Variants in ERBB4 observed in about 807,000 individuals in gnomAD.
The protein encoded by ERBB4 is erb-b2 receptor tyrosine kinase 4, also known as receptor tyrosine-protein kinase erbB-4.
In ERBB4, 42 loss-of-function variants were observed where a neutral mutation model predicts 158.0. The observed-to-expected ratio is 0.27, with a 90% CI of 0.21 to 0.34. The LOEUF is 0.34. ERBB4 is among the 10% of genes least tolerant of loss of function. The pLI, the probability that ERBB4 is intolerant of heterozygous loss-of-function variation, is 1.00. For synonymous variants in ERBB4, 583 were observed against 558.7 expected (o/e 1.04, Z -0.61); for missense variants, 1,333 against 1,624.1 (o/e 0.82, Z 3.08).
rs1491239788 is a variant in ERBB4, at chr2:211,939,966, A to AAAAAAAAAATATAT, written c.421+7463_421+7464insATATATTTTTTTTT. 2.9e-5 allele frequency among the ~76,000 whole-genome samples: 4 copies of AAAAAAAAAATATAT among 137,426 alleles called. No individual in the cohort carries two copies. In the South Asian group the frequency reaches 8.9e-4, roughly 31 times the overall value. 90.2% of individuals were successfully genotyped at this position (137,426 alleles called of 152,430 possible). The stretch of plus-strand genomic sequence containing the variant: ...CGTCTCAAAAAAAAAGGAAAAAAAA[A>AAAAAAAAAATATAT]ATATATATATATATGTATATAGATA... On this transcript the variant is annotated intron_variant, in intron 3 of 27. Coordinates refer to ENST00000342788, the MANE Select transcript of ERBB4 (RefSeq NM_005235.3).
chr2:211,495,236 A>T (rs768991309), intron 20 of ERBB4, among the ~76,000 whole-genome samples: 64 of 152,114 alleles, frequency 4.2e-4, no homozygotes, highest in Admixed American at 1.4e-3. Context: ...ATTATATGTA[A>T]AACAGCAAAA....
At chr2:212,113,232 T>C (rs1036744231) in intron 2 of ERBB4, among the ~76,000 whole-genome samples, 1 of 152,050 alleles carries the variant, frequency 6.6e-6, no homozygotes, top group African/African-American at 2.4e-5. Context: ...AGACATTCCA[T>C]AGAGGAAGAA....
intron 10 of ERBB4, 136 bp from the exon 11 acceptor site, chr2:211,704,330 G>A (rs1214277040): frequency 2.2e-5 from 15 of 684,444 alleles, no homozygotes; most frequent in Non-Finnish European, 4.0e-5. Context: ...TATTTTTTAA[G>A]CACTCTATTA....
intron 2 of ERBB4, among the ~76,000 whole-genome samples, chr2:212,074,701 A>T (rs1241343247): frequency 6.6e-6 from 1 of 151,912 alleles, no homozygotes; most frequent in Non-Finnish European, 1.5e-5. Context: ...ATATTTAAGG[A>T]TCCAGTTGGT....
chr2:211,527,387 G>T (rs1272722729), intron 20 of ERBB4, among the ~76,000 whole-genome samples: 1 of 152,000 alleles, frequency 6.6e-6, no homozygotes, highest in African/African-American at 2.4e-5. Flanking sequence ...TAGAAATTTT[G>T]CCAGACAAAC....
intron 1 of ERBB4, among the ~76,000 whole-genome samples, chr2:212,147,285 G>C (rs1221814102): frequency 6.8e-6 from 1 of 148,052 alleles, no homozygotes; most frequent in Admixed American, 6.9e-5. Flanking sequence ...GACTACAGGC[G>C]TGAGTCATGG....
chr2:212,085,837 AT>A (rs1289197066), intron 2 of ERBB4, among the ~76,000 whole-genome samples: 4 of 91,820 alleles, frequency 4.4e-5, no homozygotes, highest in Non-Finnish European at 1.0e-4. Context: ...ATATTATATA[AT>A]CCCCCAAAAT....
chr2:212,474,204 T>A (rs528528610), intron 1 of ERBB4, among the ~76,000 whole-genome samples: 1 of 149,030 alleles, frequency 6.7e-6, no homozygotes, highest in Non-Finnish European at 1.5e-5. Context: ...GGCAAAATAG[T>A]GATTTTTTTT....
chr2:212,018,008 A>G (rs1314677967), intron 2 of ERBB4, among the ~76,000 whole-genome samples: 1 of 152,290 alleles, frequency 6.6e-6, no homozygotes, highest in Non-Finnish European at 1.5e-5. Flanking sequence ...TCAACATTAT[A>G]CTTAGCTTAA....
intron 25 of ERBB4, among the ~76,000 whole-genome samples, chr2:211,391,214 G>T (rs1186899467): frequency 6.6e-6 from 1 of 152,102 alleles, no homozygotes; most frequent in Non-Finnish European, 1.5e-5. Flanking sequence ...CCCCACACTT[G>T]AAGAGCTGAA....
chr2:211,814,576 C>T (rs1300957231), intron 3 of ERBB4, among the ~76,000 whole-genome samples: 2 of 151,860 alleles, frequency 1.3e-5, no homozygotes, highest in Non-Finnish European at 2.9e-5. Context: ...TATTAAGGAA[C>T]CTATTTAAAC....
intron 7 of ERBB4, among the ~76,000 whole-genome samples, chr2:211,716,632 C>T (rs949625952): frequency 5.2e-4 from 79 of 151,826 alleles, no homozygotes; most frequent in African/African-American, 1.7e-3. Context: ...GCCGAGATTG[C>T]GCCACTGCAT....
At chr2:212,048,782 T>C (rs1340083509) in intron 2 of ERBB4, among the ~76,000 whole-genome samples, 1 of 152,180 alleles carries the variant, frequency 6.6e-6, no homozygotes, top group South Asian at 2.1e-4. Context: ...TTGGGAATCA[T>C]GAGCACATAC....
chr2:212,355,365 AG>A (rs1272355706), intron 1 of ERBB4, among the ~76,000 whole-genome samples: 1 of 152,018 alleles, frequency 6.6e-6, no homozygotes, highest in African/African-American at 2.4e-5. Flanking sequence ...CTGCATGGTG[AG>A]GGGAAACATG....
At chr2:211,409,007 G>A (rs1195086864) in intron 25 of ERBB4, among the ~76,000 whole-genome samples, 9 of 152,028 alleles carry the variant, frequency 5.9e-5, no homozygotes, top group East Asian at 3.9e-4. Context: ...AGAGTAAAAC[G>A]AAAAAGGCTT....
chr2:212,086,118 T>C lies in ERBB4; in HGVS notation c.234+38634A>G, dbSNP rs188693247. Among the ~76,000 whole-genome samples, 553 of 152,040 alleles carry C rather than the reference T, an allele frequency of 3.6e-3. 3 individuals carry two copies. The highest frequency in any genetic ancestry group is 5.1e-3 in the Non-Finnish European group (346 of 67,926). On this transcript the variant is annotated intron_variant, in intron 2 of 27. Coordinates refer to ENST00000342788, the MANE Select transcript of ERBB4 (RefSeq NM_005235.3). ...CAACCTCCTTTTCTGAAATGAATTATGGGGCAGAAACTGGGGGGAAAAGTT... is the reference window on the plus strand; with the variant it reads ...CAACCTCCTTTTCTGAAATGAATTACGGGGCAGAAACTGGGGGGAAAAGTT...
At chr2:212,267,597 C>CTTTTTTTTTTCTTTTTTT (rs761735343) in intron 1 of ERBB4, among the ~76,000 whole-genome samples, 1 of 47,612 alleles carries the variant, frequency 2.1e-5, no homozygotes. Flanking sequence ...GTTCTCATTT[C>CTTTTTTTTTTCTTTTTTT]TTTTTTTTTT....
chr2:212,238,981 T>C (rs1468835757), intron 1 of ERBB4, among the ~76,000 whole-genome samples: 2 of 152,194 alleles, frequency 1.3e-5, no homozygotes, highest in Non-Finnish European at 2.9e-5. Context: ...GGCTTCAAGT[T>C]CTGGTTCAGT....
chr2:211,383,585 GTC>G lies in ERBB4; in HGVS notation c.*28_*29del. ...GGGGTGGGGAAATTGGAGCAGGTGT[GTC>G]TCTCCACCTAAAAAACCACAACTGA... On this transcript the variant is annotated 3_prime_UTR_variant, in exon 28 of 28. Transcript: ENST00000342788. 1.9e-6 allele frequency: 3 copies of G among 1,575,218 alleles called. No homozygotes were observed. Among genetic ancestry groups the G allele is most frequent in the Non-Finnish European group, 2.6e-6 (3 of 1,146,546 alleles).
Sources: allele counts gnomAD v4.1 joint callset (sites outside exome capture counted in the v4.1 genomes callset), GRCh38; gene constraint gnomAD v4.1.1; transcripts MANE v1.5; gene names NCBI Gene and HGNC (gene_info 2026-07-23, HGNC 2026-07-21).